GNB1: variants seen among roughly 807,000 people sequenced by gnomAD.
GNB1 encodes the protein G protein subunit beta 1.
A neutral mutation model predicts 42.9 loss-of-function variants in GNB1; 2 were observed. The ratio of observed to expected loss-of-function variants is 0.05; its 90% CI spans 0.02 to 0.15. The LOEUF is 0.15. Among genes scored for constraint, GNB1 ranks in the 10% least tolerant of loss-of-function variants. GNB1 has a pLI of 1.00. For missense variants in GNB1, 193 were observed against 462.2 expected (o/e 0.42, Z 5.34); for synonymous variants, 183 against 174.7 (o/e 1.05, Z -0.38).
In GNB1 at chr1:1,802,898, T is replaced by C. The variant is rs75622028; in HGVS notation, c.430+1521A>G. Among the ~76,000 whole-genome samples the C allele has an allele frequency of 6.0e-3, 913 of 152,290 alleles. 68 individuals carry two copies. In the East Asian group the frequency reaches 0.15, roughly 24 times the overall value. ...CAGTGGCCTACAGATCTACTTCAGG[T>C]AGCTGGAAAATTAAGAAGGCAACTC... On this transcript the variant is annotated intron_variant, in intron 7 of 11. Transcript: ENST00000378609.
chr1:1,789,534 A>C (rs1355673363), intron 9 of GNB1, among the ~76,000 whole-genome samples: 1 of 152,102 alleles, frequency 6.6e-6, no homozygotes, highest in Non-Finnish European at 1.5e-5. Context: ...CTATACTAAA[A>C]ATACAAAATT....
chr1:1,848,057 T>C (rs934753244), intron 1 of GNB1, among the ~76,000 whole-genome samples: 1 of 151,920 alleles, frequency 6.6e-6, no homozygotes, highest in African/African-American at 2.4e-5. Flanking sequence ...CAACAGAAGG[T>C]TGCTATCATA....
chr1:1,804,902 G>A (rs959438402), intron 6 of GNB1, among the ~76,000 whole-genome samples: 3 of 152,200 alleles, frequency 2.0e-5, no homozygotes, highest in African/African-American at 7.2e-5. Context: ...ACTCACGCCT[G>A]TAATCCCAGC....
intron 1 of GNB1, among the ~76,000 whole-genome samples, chr1:1,854,144 A>C (rs968996177): frequency 2.0e-5 from 3 of 152,222 alleles, no homozygotes; most frequent in Non-Finnish European, 4.4e-5. Context: ...TTATTTTGAT[A>C]CATCAACTGC....
intron 2 of GNB1, among the ~76,000 whole-genome samples, chr1:1,829,044 A>G (rs1431994934): frequency 6.6e-6 from 1 of 152,106 alleles, no homozygotes; most frequent in Non-Finnish European, 1.5e-5. Context: ...TCTCCAGGAT[A>G]AAGATATATT....
Position 1,786,306 on chromosome 1 carries a change from A to G in GNB1, c.*757T>C, listed in dbSNP as rs532083518. 110 of 372,026 alleles carry G rather than the reference A, an allele frequency of 3.0e-4. No individual in the cohort carries two copies. The highest frequency in any genetic ancestry group is 2.7e-3 in the Middle Eastern group (4 of 1,468). The allele number at this position is 372,026 out of a possible 1,614,324, so 23.0% of individuals were successfully genotyped here. ...GAGAAGATAGACAGGATGGGTCAGG[A>G]GGAACATGGTGCTGGATCTGAGCTC... On this transcript the variant is annotated 3_prime_UTR_variant, in exon 12 of 12. Coordinates refer to ENST00000378609, the MANE Select transcript of GNB1 (RefSeq NM_002074.5).
chr1:1,804,949 C>T (rs1210425323), intron 6 of GNB1, among the ~76,000 whole-genome samples: 1 of 152,036 alleles, frequency 6.6e-6, no homozygotes, highest in Non-Finnish European at 1.5e-5. Flanking sequence ...CACCTGAGGT[C>T]AGGAGTTCAA....
intron 3 of GNB1, among the ~76,000 whole-genome samples, chr1:1,820,248 T>C (rs1007790516): frequency 8.6e-5 from 13 of 150,942 alleles, no homozygotes; most frequent in African/African-American, 2.7e-4. Context: ...TCGTAACTAT[T>C]TGGGGAGGCT....
At chr1:1,832,177 T>C (rs748669913) in intron 2 of GNB1, 1 of 152,204 alleles carries the variant, frequency 6.6e-6, no homozygotes, top group Non-Finnish European at 1.5e-5. Flanking sequence ...GTAATATTGA[T>C]GCAGCTTCCT....
intron 1 of GNB1, among the ~76,000 whole-genome samples, chr1:1,859,542 A>T (rs1375374897): frequency 6.6e-6 from 1 of 152,166 alleles, no homozygotes; most frequent in Non-Finnish European, 1.5e-5. Context: ...GCCTAAAGGC[A>T]TTTGGAGACA....
At chr1:1,793,445 A>G (rs2100548639) in intron 7 of GNB1, 134 bp from the exon 8 acceptor site, 1 of 606,204 alleles carries the variant, frequency 1.6e-6, no homozygotes, top group Non-Finnish European at 3.1e-6. Flanking sequence ...GTGACCTTTT[A>G]TTCCCATCTG....
chr1:1,884,620 A>G (rs1323647932), intron 1 of GNB1, among the ~76,000 whole-genome samples: 1 of 152,162 alleles, frequency 6.6e-6, no homozygotes, highest in Admixed American at 6.6e-5. Flanking sequence ...ACAGACATGC[A>G]TGGAGACATG....
At chr1:1,881,570 TTA>T (rs1247846441) in intron 1 of GNB1, among the ~76,000 whole-genome samples, 1 of 152,042 alleles carries the variant, frequency 6.6e-6, no homozygotes, top group Non-Finnish European at 1.5e-5. Context: ...AGCCTAATTT[TTA>T]TATGTTTAGT....
At chr1:1,852,165 T>C (rs540095815) in intron 1 of GNB1, among the ~76,000 whole-genome samples, 1 of 149,758 alleles carries the variant, frequency 6.7e-6, no homozygotes, top group South Asian at 2.1e-4. Flanking sequence ...ACGCCTGTAA[T>C]ACCAGGGGGC....
At position 1,800,752 on chromosome 1, in the gene GNB1, T is replaced by C. The variant is rs114290937; in HGVS notation, c.430+3667A>G. Among the ~76,000 whole-genome samples, 1,103 of 143,088 alleles carry C rather than the reference T, an allele frequency of 7.7e-3. 19 individuals carry two copies. The highest frequency in any genetic ancestry group is 0.028 in the African/African-American group (1,063 of 38,128). The allele number at this position is 143,088 out of a possible 152,430, so 93.9% of individuals were successfully genotyped here. ...TGCTAAAAACCAAATCTTTAGATTG[T>C]TAAAAAAAAAAAAAAAAAAGAAAAA... On this transcript the variant is annotated intron_variant, in intron 7 of 11. Coordinates refer to ENST00000378609, the MANE Select transcript of GNB1 (RefSeq NM_002074.5).
chr1:1,819,738 CG>C (rs1232878233), intron 3 of GNB1, among the ~76,000 whole-genome samples: 2 of 148,688 alleles, frequency 1.3e-5, no homozygotes, highest in Non-Finnish European at 3.0e-5. Flanking sequence ...ATGGGGATCT[CG>C]TCATGTTGCC....
intron 1 of GNB1, among the ~76,000 whole-genome samples, chr1:1,885,562 T>G (rs1442135449): frequency 6.8e-6 from 1 of 146,172 alleles, no homozygotes; most frequent in Non-Finnish European, 1.5e-5. Flanking sequence ...TTTTTTTTTT[T>G]TTTTTTTTTT....
At chr1:1,860,008 T>C (rs1217118418) in intron 1 of GNB1, among the ~76,000 whole-genome samples, 1 of 152,078 alleles carries the variant, frequency 6.6e-6, no homozygotes, top group African/African-American at 2.4e-5. Flanking sequence ...TATACATATG[T>C]AACAAACCTG....
intron 7 of GNB1, among the ~76,000 whole-genome samples, chr1:1,799,142 G>A (rs1375016896): frequency 1.3e-5 from 2 of 152,048 alleles, no homozygotes; most frequent in Admixed American, 6.6e-5. Flanking sequence ...GGATGGTCTC[G>A]ATCTCCTGAC....
Sources: gnomAD v4.1 joint callset for allele counts (sites outside exome capture counted in the v4.1 genomes callset) on GRCh38, gnomAD v4.1.1 for gene constraint, MANE v1.5 for transcripts, NCBI Gene and HGNC (gene_info 2026-07-23, HGNC 2026-07-21) for gene names.